The following DYRK4 variants were observed in gnomAD, a reference collection of about 807,000 sequenced individuals.
The protein encoded by DYRK4 is dual specificity tyrosine-phosphorylation-regulated kinase 4.
DYRK4 carries 64 observed loss-of-function variants against 68.3 expected under a neutral mutation model. The ratio of observed to expected loss-of-function variants is 0.94; its 90% CI spans 0.77 to 1.15. The LOEUF is 1.15. DYRK4 is among the 50% of genes most tolerant of loss of function. The probability of loss-of-function intolerance (pLI) is 0.00; values close to 1 mark genes in which losing one functional copy is unlikely to be tolerated. For synonymous variants in DYRK4, 274 were observed against 289.9 expected (o/e 0.95, Z 0.56); for missense variants, 740 against 764.7 (o/e 0.97, Z 0.38).
chr12:4,605,744 T>A (rs1024126227), intron 11 of DYRK4, among the ~76,000 whole-genome samples: 1 of 146,948 alleles, frequency 6.8e-6, no homozygotes, highest in East Asian at 1.9e-4. Flanking sequence ...TTTTTTTTTT[T>A]TTTTTTTTTT....
intron 2 of DYRK4, among the ~76,000 whole-genome samples, chr12:4,568,583 T>C (rs1944699881): frequency 6.6e-6 from 1 of 152,008 alleles, no homozygotes; most frequent in Non-Finnish European, 1.5e-5. Flanking sequence ...ATGGGGTTTC[T>C]TCATGTTGAT....
At chr12:4,588,662 T>G (rs1944922092) in intron 2 of DYRK4, among the ~76,000 whole-genome samples, 1 of 152,222 alleles carries the variant, frequency 6.6e-6, no homozygotes, top group Non-Finnish European at 1.5e-5. Flanking sequence ...GTTAAGATTT[T>G]GTTGGAAGAA....
chr12:4,589,844 T>C (rs1236452195), intron 3 of DYRK4, among the ~76,000 whole-genome samples: 2 of 152,158 alleles, frequency 1.3e-5, no homozygotes, highest in Non-Finnish European at 1.5e-5. Flanking sequence ...AAGTCAATAA[T>C]GTAGTCATAG....
chr12:4,603,138 T>G (rs1056239706), intron 10 of DYRK4: 1 of 1,406,400 alleles, frequency 7.1e-7, no homozygotes, highest in Non-Finnish European at 1.0e-6. Context: ...GAATCTGATA[T>G]GGGATCCAAA....
At chr12:4,583,329 T>A (rs912900111) in intron 2 of DYRK4, among the ~76,000 whole-genome samples, 1 of 151,932 alleles carries the variant, frequency 6.6e-6, no homozygotes, top group African/African-American at 2.4e-5. Context: ...GCTCCTGCTC[T>A]GTTTCTGCTT....
intron 6 of DYRK4, 120 bp from the exon 7 acceptor site, chr12:4,596,029 G>A: frequency 9.4e-7 from 1 of 1,066,692 alleles, no homozygotes; most frequent in Non-Finnish European, 1.4e-6. Context: ...AGTGCCCAGT[G>A]TAGTTAGAAA....
chr12:4,607,881 G>C (rs894753609), intron 12 of DYRK4, among the ~76,000 whole-genome samples: 1 of 152,196 alleles, frequency 6.6e-6, no homozygotes, highest in Non-Finnish European at 1.5e-5. Flanking sequence ...GGTTAAGCAA[G>C]GACTTAGTTT....
chr12:4,605,270 C>T (rs1383156844), intron 11 of DYRK4, among the ~76,000 whole-genome samples, 184 bp downstream of exon 11: 1 of 152,198 alleles, frequency 6.6e-6, no homozygotes, highest in Non-Finnish European at 1.5e-5. Context: ...CGACATCTAA[C>T]GTTTTATCAT....
chr12:4,603,646 T>G (rs978285544), intron 10 of DYRK4, among the ~76,000 whole-genome samples: 2 of 152,244 alleles, frequency 1.3e-5, no homozygotes, highest in African/African-American at 4.8e-5. Flanking sequence ...CATGCCTCTG[T>G]GTCCTCCATC....
At chr12:4,578,925 G>A (rs965558840) in intron 2 of DYRK4, among the ~76,000 whole-genome samples, 2 of 152,098 alleles carry the variant, frequency 1.3e-5, no homozygotes, top group Non-Finnish European at 2.9e-5. Flanking sequence ...ATTGTTTTTG[G>A]TGCTGGGATA....
chr12:4,599,208 TA>T lies in DYRK4; in HGVS notation c.1044+43del, dbSNP rs751115854. 1.1e-5 allele frequency: 18 copies of T among 1,595,536 alleles called. 1 individual carries two copies. The South Asian group carries it at 1.9e-4, about 17-fold the overall frequency. Reference sequence around the variant, plus strand: ...TCCTGCCATGGACACACTCTGGAAATACCCATTCTATTCCCCAGGCCGTGTA... The same window carrying T: ...TCCTGCCATGGACACACTCTGGAAATCCCATTCTATTCCCCAGGCCGTGTA... On this transcript the variant is annotated intron_variant, in intron 9 of 14. Transcript: ENST00000543431.
intron 4 of DYRK4, 75 bp downstream of exon 4, chr12:4,590,515 G>T (rs1458578321): frequency 1.3e-6 from 2 of 1,507,146 alleles, no homozygotes; most frequent in Non-Finnish European, 1.8e-6. Context: ...TTTTAGAAAG[G>T]CCCAGGATAG....
chr12:4,579,829 C>T (rs1308540138), intron 2 of DYRK4, among the ~76,000 whole-genome samples: 1 of 152,174 alleles, frequency 6.6e-6, no homozygotes, highest in Non-Finnish European at 1.5e-5. Flanking sequence ...TAATTAGCGA[C>T]CTTTGGAGGG....
At chr12:4,601,817 C>G (rs1444096603) in intron 10 of DYRK4, among the ~76,000 whole-genome samples, 1 of 150,522 alleles carries the variant, frequency 6.6e-6, no homozygotes, top group African/African-American at 2.5e-5. Flanking sequence ...CTTTAATTTG[C>G]TAAAGATTTA....
Position 4,590,353 on chromosome 12 carries a change from CT to C in DYRK4, c.240del (p.Phe80LeufsTer11). 1 of 1,535,768 alleles carries C rather than the reference CT, an allele frequency of 6.5e-7. No homozygotes were observed. The highest frequency in any genetic ancestry group is 8.7e-7 in the Non-Finnish European group (1 of 1,146,756). On this transcript the variant is annotated frameshift_variant, in exon 4 of 15. Transcript: ENST00000543431. LOFTEE classifies it high-confidence loss of function. ...HKNTSVTSLP[F>X]VDTKGKKNTV... ...AGAACACCAGTGTTACTTCACTCCCCTTTGTGGACACCAAGGGGAAGAAGAA... is the reference window on the plus strand; with the variant it reads ...AGAACACCAGTGTTACTTCACTCCCCTTGTGGACACCAAGGGGAAGAAGAA...
At chr12:4,601,391 T>C (rs1333014791) in intron 10 of DYRK4, among the ~76,000 whole-genome samples, 2 of 152,220 alleles carry the variant, frequency 1.3e-5, no homozygotes, top group Non-Finnish European at 2.9e-5. Flanking sequence ...GATGTTCTCA[T>C]AGAATGTACA....
At chr12:4,579,468 C>T (rs10492054) in intron 2 of DYRK4, among the ~76,000 whole-genome samples, 15,746 of 152,058 alleles carry the variant, frequency 0.1, 1,177 homozygotes, top group East Asian at 0.35. Context: ...ACTGACATGC[C>T]GGTCACTTTA....
At chr12:4,608,048 A>G (rs1945174372) in intron 12 of DYRK4, among the ~76,000 whole-genome samples, 1 of 152,198 alleles carries the variant, frequency 6.6e-6, no homozygotes, top group African/African-American at 2.4e-5. Flanking sequence ...GTCCTATACA[A>G]GATGGAAGGA....
intron 11 of DYRK4, among the ~76,000 whole-genome samples, chr12:4,605,591 C>T (rs1471868893): frequency 6.6e-6 from 1 of 151,984 alleles, no homozygotes; most frequent in Non-Finnish European, 1.5e-5. Flanking sequence ...TTCCTGATAC[C>T]GTAAGCCTCA....
Sources: gnomAD v4.1 joint callset for allele counts (sites outside exome capture counted in the v4.1 genomes callset) on GRCh38, gnomAD v4.1.1 for gene constraint, MANE v1.5 for transcripts, NCBI Gene and HGNC (gene_info 2026-07-23, HGNC 2026-07-21) for gene names.